Variants in RIT2 observed in about 807,000 individuals in gnomAD.
RIT2 encodes the protein Ras like without CAAX 2.
A neutral mutation model predicts 23.7 loss-of-function variants in RIT2; 24 were observed. The ratio of observed to expected loss-of-function variants is 1.01; its 90% CI spans 0.73 to 1.43. The LOEUF is 1.43. Among genes scored for constraint, RIT2 ranks in the 40% most tolerant of loss-of-function variants. RIT2 has a pLI of 0.00. For missense variants in RIT2, 236 were observed against 266.9 expected, an observed-to-expected ratio of 0.88 and a Z score of 0.81; for synonymous variants, 107 against 91.1, an observed-to-expected ratio of 1.17 and a Z score of -0.99.
At chr18:42,878,925 T>C (rs1463407507) in intron 4 of RIT2, among the ~76,000 whole-genome samples, 2 of 151,616 alleles carry the variant, frequency 1.3e-5, no homozygotes, top group East Asian at 3.9e-4. Context: ...CTGTTCTAAG[T>C]GACCCTTGTA....
At chr18:42,902,989 TGAA>T (rs1908516962) in intron 4 of RIT2, among the ~76,000 whole-genome samples, 1 of 151,578 alleles carries the variant, frequency 6.6e-6, no homozygotes, top group Admixed American at 6.6e-5. Flanking sequence ...TGACAGAAGA[TGAA>T]GGACTAGAAA....
intron 4 of RIT2, among the ~76,000 whole-genome samples, chr18:42,766,103 A>T (rs1913415939): frequency 6.6e-6 from 1 of 152,172 alleles, no homozygotes; most frequent in South Asian, 2.1e-4. Context: ...AATACAGTAA[A>T]TTGGTACCAG....
At chr18:42,984,977 G>A (rs1910677677) in intron 2 of RIT2, among the ~76,000 whole-genome samples, 1 of 151,722 alleles carries the variant, frequency 6.6e-6, no homozygotes, top group African/African-American at 2.4e-5. Context: ...GTTTAGCATA[G>A]AAAAAAATGC....
At chr18:43,034,753 T>C (rs1283726936) in intron 1 of RIT2, among the ~76,000 whole-genome samples, 3 of 152,188 alleles carry the variant, frequency 2.0e-5, no homozygotes, top group Non-Finnish European at 4.4e-5. Context: ...TGTCAAATCC[T>C]GCTAAGTCAG....
At chr18:42,853,098 T>C (rs1907098994) in intron 4 of RIT2, among the ~76,000 whole-genome samples, 1 of 152,300 alleles carries the variant, frequency 6.6e-6, no homozygotes, top group Middle Eastern at 3.4e-3. Context: ...CCTCCCAAAG[T>C]GCTGGGATTA....
chr18:42,788,205 A>G (rs1256511736), intron 4 of RIT2, among the ~76,000 whole-genome samples: 1 of 152,124 alleles, frequency 6.6e-6, no homozygotes, highest in Non-Finnish European at 1.5e-5. Flanking sequence ...CTAGATTCTT[A>G]TATCTGCTTC....
intron 1 of RIT2, among the ~76,000 whole-genome samples, chr18:43,047,952 G>A (rs1167318219): frequency 6.6e-6 from 1 of 152,140 alleles, no homozygotes; most frequent in Admixed American, 6.5e-5. Context: ...AGCCTTGGAA[G>A]CTGAGAGCAA....
At chr18:43,093,994 G>A (rs1490678984) in intron 1 of RIT2, among the ~76,000 whole-genome samples, 1 of 151,884 alleles carries the variant, frequency 6.6e-6, no homozygotes, top group Non-Finnish European at 1.5e-5. Flanking sequence ...TTTGGAGAGA[G>A]GAGCAGGGGA....
At chr18:42,873,000 T>C (rs542488710) in intron 4 of RIT2, among the ~76,000 whole-genome samples, 1 of 152,076 alleles carries the variant, frequency 6.6e-6, no homozygotes, top group South Asian at 2.1e-4. Context: ...ATTTACAGTA[T>C]CTCATGATCC....
At chr18:42,783,300 T>G (rs1450972604) in intron 4 of RIT2, among the ~76,000 whole-genome samples, 1 of 151,808 alleles carries the variant, frequency 6.6e-6, no homozygotes, top group Non-Finnish European at 1.5e-5. Context: ...TGGGCAGAAA[T>G]GGACAGGCAG....
Position 42,974,140 on chromosome 18 carries a change from A to C in RIT2, c.168T>G (p.Ala56=). 1.9e-6 allele frequency: 3 copies of C among 1,610,128 alleles called. No homozygotes were observed. The highest frequency in any genetic ancestry group is 2.5e-6 in the Non-Finnish European group (3 of 1,177,172). The change falls in exon 3 of 5, where the codon GCT becomes GCG. Residue 56 remains alanine, a synonymous_variant. Transcript: ENST00000326695. ...PDYHDPTIED[A]YKTQVRIDNE... ...TGTCAATCCTGACCTGGGTCTTATAAGCATCTTCTGAAAAACACAAGACAA... is the reference window on the plus strand; with the variant it reads ...TGTCAATCCTGACCTGGGTCTTATACGCATCTTCTGAAAAACACAAGACAA...
chr18:42,949,411 A>G (rs1909798366), intron 3 of RIT2, among the ~76,000 whole-genome samples: 1 of 152,164 alleles, frequency 6.6e-6, no homozygotes, highest in Admixed American at 6.6e-5. Context: ...TTTCAAATGA[A>G]AAAATGAGGA....
At chr18:42,879,469 T>C (rs985023777) in intron 4 of RIT2, among the ~76,000 whole-genome samples, 3 of 152,142 alleles carry the variant, frequency 2.0e-5, no homozygotes, top group Admixed American at 1.3e-4. Context: ...GTTGCTATTA[T>C]ATTATACAAA....
chr18:42,817,623 C>T (rs576518872), intron 4 of RIT2, among the ~76,000 whole-genome samples: 2 of 152,076 alleles, frequency 1.3e-5, no homozygotes, highest in East Asian at 3.9e-4. Context: ...TGTCGCTTAT[C>T]TTTAAATGGA....
At chr18:42,911,138 G>A (rs1908758940) in intron 4 of RIT2, among the ~76,000 whole-genome samples, 1 of 151,952 alleles carries the variant, frequency 6.6e-6, no homozygotes, top group Non-Finnish European at 1.5e-5. Flanking sequence ...AACTCAGGGG[G>A]AAATTTTTCA....
intron 2 of RIT2, among the ~76,000 whole-genome samples, chr18:43,028,525 G>T (rs551241529): frequency 6.6e-6 from 1 of 151,982 alleles, no homozygotes; most frequent in Non-Finnish European, 1.5e-5. Flanking sequence ...AGTTTCATAC[G>T]AATTATCTTT....
At chr18:42,940,741 G>T (rs368169261) in intron 3 of RIT2, among the ~76,000 whole-genome samples, 1 of 152,124 alleles carries the variant, frequency 6.6e-6, no homozygotes. Context: ...GGAAAATGAA[G>T]CTCAGGAACA....
intron 1 of RIT2, among the ~76,000 whole-genome samples, chr18:43,105,934 A>G (rs999388790): frequency 2.0e-5 from 3 of 152,166 alleles, no homozygotes; most frequent in South Asian, 2.1e-4. Flanking sequence ...AGGTTGATCA[A>G]AATAATATAT....
At chr18:43,026,573 T>TAAGAAAGAAAGAAAGAAAGAAATA (rs1911724679) in intron 2 of RIT2, among the ~76,000 whole-genome samples, 35 of 77,346 alleles carry the variant, frequency 4.5e-4, no homozygotes, top group Middle Eastern at 8.5e-3. Flanking sequence ...AAGAAATAAA[T>TAAGAAAGAAAGAAAGAAAGAAATA]AAGAAAGAAA....
Sources: allele counts gnomAD v4.1 joint callset (sites outside exome capture counted in the v4.1 genomes callset), GRCh38; gene constraint gnomAD v4.1.1; transcripts MANE v1.5; gene names NCBI Gene and HGNC (gene_info 2026-07-23, HGNC 2026-07-21).